HOOK3: variants seen among roughly 807,000 people sequenced by gnomAD.
HOOK3 encodes the protein protein Hook homolog 3.
Under a neutral mutation model 116.3 loss-of-function variants are expected in HOOK3, and 24 were observed. The ratio of observed to expected loss-of-function variants is 0.21; its 90% confidence interval spans 0.15 to 0.29. HOOK3 has a LOEUF of 0.29. Ranked by LOEUF, HOOK3 falls within the 10% of genes least tolerant of loss-of-function variation. The probability of loss-of-function intolerance (pLI) is 1.00; values close to 1 mark genes in which losing one functional copy is unlikely to be tolerated. For missense variants in HOOK3, 632 were observed against 830.2 expected, an observed-to-expected ratio of 0.76 and a Z score of 2.93; for synonymous variants, 275 against 283.0, an observed-to-expected ratio of 0.97 and a Z score of 0.28.
chr8:42,966,709 C>T, intron 10 of HOOK3, 96 bp downstream of exon 10: 2 of 1,374,770 alleles, frequency 1.5e-6, no homozygotes, highest in Non-Finnish European at 1.0e-6. Context: ...GCCAGGCTAC[C>T]TGGGCTGGGA....
chr8:43,018,673 G>T lies in HOOK3; in HGVS notation c.*175G>T. 3 of 617,888 alleles carry T rather than the reference G, an allele frequency of 4.9e-6. No homozygotes were observed. The highest frequency in any genetic ancestry group is 6.5e-5 in the East Asian group (2 of 30,644). 38.3% of individuals were successfully genotyped at this position (617,888 alleles called of 1,614,324 possible). On this transcript the variant is annotated 3_prime_UTR_variant, in exon 22 of 22. Coordinates refer to ENST00000307602, the MANE Select transcript of HOOK3 (RefSeq NM_032410.4). ...CCTGTATCTTTGTTTTAGTTTCTTT[G>T]GTTTTTATTTTGTAGTCCTTTCAGT... is the stretch of plus-strand genomic sequence containing the variant.
chr8:43,018,549 TTACACACA>T lies in HOOK3; in HGVS notation c.*52_*59del. The T allele has an allele frequency of 6.7e-7, 1 of 1,501,600 alleles. No individual in the cohort carries two copies. The highest frequency in any genetic ancestry group is 8.9e-7 in the Non-Finnish European group (1 of 1,122,542). The allele number at this position is 1,501,600 out of a possible 1,614,324, so 93.0% of individuals were successfully genotyped here. Reference sequence around the variant, plus strand: ...CACCTGCACCCACAACATACTTCTGTTACACACAAGAACATTTCAGGAAACTCAGCCAG... The same window carrying T: ...CACCTGCACCCACAACATACTTCTGTAGAACATTTCAGGAAACTCAGCCAG... On this transcript the variant is annotated 3_prime_UTR_variant, in exon 22 of 22. Transcript: ENST00000307602.
chr8:42,903,771 C>T (rs1335692960), intron 1 of HOOK3, among the ~76,000 whole-genome samples: 1 of 151,260 alleles, frequency 6.6e-6, no homozygotes, highest in Non-Finnish European at 1.5e-5. Context: ...CTGGCCAACA[C>T]GGTGAAACCC....
intron 16 of HOOK3, among the ~76,000 whole-genome samples, chr8:42,998,841 C>A (rs1193037902): frequency 6.6e-6 from 1 of 152,102 alleles, no homozygotes; most frequent in African/African-American, 2.4e-5. Context: ...TGTTTTTATT[C>A]AAAATGCGAA....
At chr8:42,959,366 C>A in intron 8 of HOOK3, 52 bp downstream of exon 8, 1 of 1,144,486 alleles carries the variant, frequency 8.7e-7, no homozygotes, top group Non-Finnish European at 1.3e-6. Context: ...ACTGTAAATA[C>A]CACCAAATGT....
chr8:42,996,317 C>T (rs1367372990), intron 15 of HOOK3, among the ~76,000 whole-genome samples: 6 of 142,984 alleles, frequency 4.2e-5, no homozygotes, highest in Admixed American at 1.5e-4. Context: ...GCCTGGGAGG[C>T]GGAGGTTGCA....
chr8:42,913,003 A>G (rs572157767), intron 2 of HOOK3, among the ~76,000 whole-genome samples: 60 of 152,294 alleles, frequency 3.9e-4, no homozygotes, highest in African/African-American at 1.4e-3. Context: ...ACCATACACC[A>G]TGTAACCTTT....
At chr8:42,929,688 T>C (rs1807838221) in intron 3 of HOOK3, among the ~76,000 whole-genome samples, 2 of 152,194 alleles carry the variant, frequency 1.3e-5, no homozygotes, top group South Asian at 2.1e-4. Flanking sequence ...TTAAAGATTA[T>C]TTTACTATAA....
chr8:42,967,791 G>C (rs1041504750), intron 10 of HOOK3, among the ~76,000 whole-genome samples: 1 of 151,442 alleles, frequency 6.6e-6, no homozygotes, highest in African/African-American at 2.4e-5. Context: ...ATGTGACTCT[G>C]CTGGCTGCCC....
rs1043458209 is a variant in HOOK3 at position 43,021,904 on chromosome 8, C to T, written c.*3406C>T. On this transcript the variant is annotated 3_prime_UTR_variant, in exon 22 of 22. Transcript: ENST00000307602. ...CAGGATGGTCTCGATCTCCTGACCT[C>T]GTGATCCACCCGCCTCAGCCTCCCA... The T allele has an allele frequency of 1.8e-4, 30 of 168,388 alleles. No individual in the cohort carries two copies. Among genetic ancestry groups the T allele is most frequent in the African/African-American group, 4.8e-4 (20 of 41,902 alleles). The allele number at this position is 168,388 out of a possible 1,614,324, so 10.4% of individuals were successfully genotyped here.
chr8:43,012,984 CT>C (rs1347762622), intron 19 of HOOK3, 66 bp from the exon 20 acceptor site: 2 of 929,064 alleles, frequency 2.2e-6, no homozygotes, highest in African/African-American at 3.4e-5. Flanking sequence ...AATAGTCATT[CT>C]TTTCTTAAAC....
intron 21 of HOOK3, 40 bp downstream of exon 21, chr8:43,013,440 T>A (rs1809651493): frequency 2.7e-6 from 4 of 1,467,116 alleles, no homozygotes; most frequent in Middle Eastern, 1.8e-4. Context: ...AAAACTTCAA[T>A]GAATATGTAA....
chr8:42,902,424 A>T (rs1390515953), intron 1 of HOOK3, among the ~76,000 whole-genome samples: 1 of 152,004 alleles, frequency 6.6e-6, no homozygotes, highest in Non-Finnish European at 1.5e-5. Flanking sequence ...GGCGTGACCC[A>T]CCATACCCAG....
At chr8:42,910,218 TTTTTCATGAATTGA>T (rs1807396794) in intron 2 of HOOK3, among the ~76,000 whole-genome samples, 2 of 152,104 alleles carry the variant, frequency 1.3e-5, no homozygotes, top group Admixed American at 6.5e-5. Context: ...TTGAAAATTT[TTTTTCATGAATTGA>T]AGTAAACAAG....
chr8:43,018,047 G>GA (rs1409212327), intron 21 of HOOK3, among the ~76,000 whole-genome samples: 2 of 151,888 alleles, frequency 1.3e-5, no homozygotes, highest in Non-Finnish European at 2.9e-5. Context: ...CTTTTCCTTG[G>GA]AAAAAAATCA....
rs892368018 is a variant in HOOK3 at position 43,015,416 on chromosome 8, C to T, written c.2016+2016C>T. ...CGGGTGCCTGTAATCCCAGGTACTC[C>T]GGAGGCTGAAGCAGGAGAATCGCCT... On this transcript the variant is annotated intron_variant, in intron 21 of 21. Coordinates refer to ENST00000307602, the MANE Select transcript of HOOK3 (RefSeq NM_032410.4). Among the ~76,000 whole-genome samples the T allele has an allele frequency of 7.9e-5, 12 of 151,846 alleles. No homozygotes were observed. The East Asian group carries it at 1.8e-3, about 22-fold the overall frequency.
intron 1 of HOOK3, among the ~76,000 whole-genome samples, chr8:42,898,166 C>T (rs998536654): frequency 2.0e-5 from 3 of 152,152 alleles, no homozygotes; most frequent in Non-Finnish European, 4.4e-5. Flanking sequence ...CTGTGCAAGG[C>T]ACTTTGCTGG....
At chr8:42,938,135 G>A (rs1323582032) in intron 4 of HOOK3, among the ~76,000 whole-genome samples, 2 of 151,126 alleles carry the variant, frequency 1.3e-5, no homozygotes, top group Admixed American at 6.6e-5. Context: ...TCCCTTTACC[G>A]TTATGTAATG....
chr8:43,008,999 G>A (rs766850241), intron 18 of HOOK3, among the ~76,000 whole-genome samples: 31 of 152,222 alleles, frequency 2.0e-4, no homozygotes, highest in Non-Finnish European at 2.2e-4. Context: ...GGCTGGGTAT[G>A]GTAGCTCATG....
Sources: allele counts gnomAD v4.1 joint callset (sites outside exome capture counted in the v4.1 genomes callset), GRCh38; gene constraint gnomAD v4.1.1; transcripts MANE v1.5; gene names NCBI Gene and HGNC (gene_info 2026-07-23, HGNC 2026-07-21).